The following CLIP1 variants were observed in gnomAD, a reference collection of about 807,000 sequenced individuals.
CLIP1 encodes the protein CAP-Gly domain-containing linker protein 1.
A neutral mutation model predicts 161.6 loss-of-function variants in CLIP1; 66 were observed. That is an observed-to-expected ratio of 0.41 (90% confidence interval 0.33 to 0.50). CLIP1 has a LOEUF of 0.50. Among genes scored for constraint, CLIP1 ranks in the 20% least tolerant of loss-of-function variants. CLIP1 has a pLI of 0.27. For synonymous variants in CLIP1, 598 were observed against 626.2 expected (o/e 0.96, Z 0.67); for missense variants, 1,376 against 1,702.0 (o/e 0.81, Z 3.37).
At chr12:122,377,248 T>C (rs1954783897) in intron 3 of CLIP1, 141 bp downstream of exon 3, 1 of 695,942 alleles carries the variant, frequency 1.4e-6, no homozygotes, top group Non-Finnish European at 2.4e-6. Flanking sequence ...GACCTCGTGA[T>C]CCACCCGCCT....
At chr12:122,392,271 AAAAAC>A (rs1342487905) in intron 1 of CLIP1, among the ~76,000 whole-genome samples, 2 of 152,216 alleles carry the variant, frequency 1.3e-5, no homozygotes, top group African/African-American at 2.4e-5. Flanking sequence ...CCCCATCTCT[AAAAAC>A]AAAACAAAAG....
At chr12:122,347,299 ACT>A in intron 10 of CLIP1, 74 bp downstream of exon 10, 1 of 1,109,154 alleles carries the variant, frequency 9.0e-7, no homozygotes, top group South Asian at 1.3e-5. Flanking sequence ...GCTCAGGCCA[ACT>A]ATAAAGCATG....
chr12:122,378,332 C>A (rs1029102284), intron 2 of CLIP1, among the ~76,000 whole-genome samples: 7 of 152,174 alleles, frequency 4.6e-5, no homozygotes, highest in Non-Finnish European at 8.8e-5. Flanking sequence ...GGTGAACCTC[C>A]CGCCTCAGCC....
At chr12:122,318,836 T>C (rs562519429) in intron 18 of CLIP1, among the ~76,000 whole-genome samples, 1 of 152,252 alleles carries the variant, frequency 6.6e-6, no homozygotes, top group East Asian at 1.9e-4. Flanking sequence ...AAATCAGTAC[T>C]GAATTGGGCC....
chr12:122,357,073 T>G (rs1157352865), intron 5 of CLIP1, among the ~76,000 whole-genome samples: 1 of 152,134 alleles, frequency 6.6e-6, no homozygotes, highest in African/African-American at 2.4e-5. Flanking sequence ...GTCTGGGAAG[T>G]GAGGAGCCCC....
chr12:122,272,797 C>T lies in CLIP1; in HGVS notation c.*78G>A. 8.1e-7 allele frequency: 1 copy of T among 1,227,298 alleles called. No homozygotes were observed. The highest frequency in any genetic ancestry group is 1.2e-6 in the Non-Finnish European group (1 of 832,330). The allele number at this position is 1,227,298 out of a possible 1,614,324, so 76.0% of individuals were successfully genotyped here. A position where few individuals can be genotyped will look rare whatever the true frequency, so the allele number is the denominator to read the frequency against. On this transcript the variant is annotated 3_prime_UTR_variant, in exon 26 of 26. Transcript: ENST00000620786. ...AAAATAACATGAGTTCTCCTGAAGT[C>T]TGCACACACAATGCTGGTGTTACGT...
At chr12:122,389,516 T>G (rs1370320263) in intron 1 of CLIP1, among the ~76,000 whole-genome samples, 1 of 152,044 alleles carries the variant, frequency 6.6e-6, no homozygotes, top group African/African-American at 2.4e-5. Flanking sequence ...CCCAGCACTT[T>G]GGGAGGCCAA....
At chr12:122,339,514 T>C (rs1952395616) in intron 11 of CLIP1, among the ~76,000 whole-genome samples, 1 of 152,036 alleles carries the variant, frequency 6.6e-6, no homozygotes, top group African/African-American at 2.4e-5. Context: ...ATTTTTGTAT[T>C]TTTAGTAGAC....
In CLIP1 at chr12:122,351,163, A is replaced by G; in HGVS notation, c.1369-20T>C. 6.9e-7 allele frequency: 1 copy of G among 1,441,556 alleles called. No individual in the cohort carries two copies. The highest frequency in any genetic ancestry group is 9.2e-7 in the Non-Finnish European group (1 of 1,089,586). The allele number at this position is 1,441,556 out of a possible 1,614,324, so 89.3% of individuals were successfully genotyped here. Reference sequence around the variant, plus strand: ...CTTTTGCTATCAGTAAAAAAATAAAAAAAATTAAACAACAACAAAAAAGAG... The same window carrying G: ...CTTTTGCTATCAGTAAAAAAATAAAGAAAATTAAACAACAACAAAAAAGAG... On this transcript the variant is annotated intron_variant, in intron 8 of 25. Coordinates refer to ENST00000620786, the MANE Select transcript of CLIP1 (RefSeq NM_001247997.2).
intron 3 of CLIP1, among the ~76,000 whole-genome samples, chr12:122,366,739 G>A (rs1290512251): frequency 6.6e-6 from 1 of 152,160 alleles, no homozygotes; most frequent in African/African-American, 2.4e-5. Flanking sequence ...TACTCAAGTG[G>A]CTGAGGCACA....
chr12:122,350,642 G>A (rs1029242970), intron 9 of CLIP1, among the ~76,000 whole-genome samples: 1 of 151,488 alleles, frequency 6.6e-6, no homozygotes, highest in Admixed American at 6.6e-5. Context: ...AGTCAGCTCC[G>A]GGACAGCAGC....
chr12:122,302,848 C>T (rs1482367011), intron 20 of CLIP1, among the ~76,000 whole-genome samples: 3 of 152,162 alleles, frequency 2.0e-5, no homozygotes, highest in South Asian at 2.1e-4. Flanking sequence ...CTGCCCACCT[C>T]GGCCTCACAC....
rs924841096 is a variant in CLIP1, at chr12:122,340,696, A to G, written c.2451+57T>C. Reference sequence around the variant, plus strand: ...AATGATCTCAACTCAAAAGTAACATAATGCAAAACAAGAATAACAAATGGA... The same window carrying G: ...AATGATCTCAACTCAAAAGTAACATGATGCAAAACAAGAATAACAAATGGA... On this transcript the variant is annotated intron_variant, in intron 11 of 25. Transcript: ENST00000620786. The G allele has an allele frequency of 2.5e-5, 35 of 1,388,656 alleles. No individual in the cohort carries two copies. The Middle Eastern group carries it at 7.6e-4, about 30-fold the overall frequency. The allele number at this position is 1,388,656 out of a possible 1,614,324, so 86.0% of individuals were successfully genotyped here. A position where few individuals can be genotyped will look rare whatever the true frequency, so the allele number is the denominator to read the frequency against.
intron 5 of CLIP1, among the ~76,000 whole-genome samples, chr12:122,360,086 A>G (rs1953700373): frequency 6.6e-6 from 1 of 152,210 alleles, no homozygotes; most frequent in Non-Finnish European, 1.5e-5. Context: ...AGAAGAGGAA[A>G]GAAGAGAGTA....
At chr12:122,344,929 T>C (rs775639622) in intron 10 of CLIP1, among the ~76,000 whole-genome samples, 1 of 152,272 alleles carries the variant, frequency 6.6e-6, no homozygotes, top group East Asian at 1.9e-4. Flanking sequence ...TATGGAAAGA[T>C]ATAAGCTTTA....
At chr12:122,390,198 A>T (rs372349998) in intron 1 of CLIP1, among the ~76,000 whole-genome samples, 4 of 77,834 alleles carry the variant, frequency 5.1e-5, no homozygotes, top group South Asian at 4.9e-4. Flanking sequence ...TATATATATA[A>T]TATATATATA....
intron 1 of CLIP1, among the ~76,000 whole-genome samples, chr12:122,401,915 T>A (rs1004856527): frequency 6.6e-6 from 1 of 151,988 alleles, no homozygotes; most frequent in South Asian, 2.1e-4. Flanking sequence ...GAGAATCACT[T>A]GAACCTGGGA....
chr12:122,415,928 T>C (rs532506656), intron 1 of CLIP1, among the ~76,000 whole-genome samples: 1 of 152,148 alleles, frequency 6.6e-6, no homozygotes, highest in South Asian at 2.1e-4. Flanking sequence ...TATCAAGTTA[T>C]CAGGCCTCCC....
At chr12:122,373,151 G>A (rs1269340110) in intron 3 of CLIP1, among the ~76,000 whole-genome samples, 2 of 152,130 alleles carry the variant, frequency 1.3e-5, no homozygotes, top group Non-Finnish European at 2.9e-5. Context: ...AGGGCCGGGC[G>A]TGGTGGCTCA....
Sources: gnomAD v4.1 joint callset for allele counts (sites outside exome capture counted in the v4.1 genomes callset) on GRCh38, gnomAD v4.1.1 for gene constraint, MANE v1.5 for transcripts, NCBI Gene and HGNC (gene_info 2026-07-23, HGNC 2026-07-21) for gene names.